The following CSMD1 variants were observed in gnomAD, a reference collection of about 807,000 sequenced individuals.
The protein encoded by CSMD1 is CUB and sushi domain-containing protein 1.
A neutral mutation model predicts 417.5 loss-of-function variants in CSMD1; 213 were observed. The observed-to-expected ratio is 0.51, with a 90% CI of 0.46 to 0.57. The LOEUF (loss-of-function observed/expected upper bound fraction) is 0.57. Ranked by LOEUF, CSMD1 falls within the 20% of genes least tolerant of loss-of-function variation. CSMD1 has a pLI of 0.00. For synonymous variants in CSMD1, 2,862 were observed against 1,736.8 expected (o/e 1.65, Z -16.11); for missense variants, 6,923 against 4,529.7 (o/e 1.53, Z -15.17).
intron 12 of CSMD1, among the ~76,000 whole-genome samples, chr8:3,457,700 A>G (rs551857626): frequency 2.0e-5 from 3 of 152,376 alleles, no homozygotes; most frequent in East Asian, 3.9e-4. Flanking sequence ...TGTTGAGATC[A>G]TAAAAACTCG....
At chr8:3,585,799 A>C (rs953006632) in intron 9 of CSMD1, among the ~76,000 whole-genome samples, 1 of 152,156 alleles carries the variant, frequency 6.6e-6, no homozygotes, top group African/African-American at 2.4e-5. Flanking sequence ...TGCGGGGTGC[A>C]CAGAAACCTT....
At chr8:4,990,026 T>A (rs966483264) in intron 1 of CSMD1, among the ~76,000 whole-genome samples, 1 of 152,156 alleles carries the variant, frequency 6.6e-6, no homozygotes, top group Non-Finnish European at 1.5e-5. Context: ...TGAAAGCCAA[T>A]ATAAAAATAG....
intron 1 of CSMD1, among the ~76,000 whole-genome samples, chr8:4,961,945 T>A (rs1022173618): frequency 6.6e-6 from 1 of 152,088 alleles, no homozygotes; most frequent in African/African-American, 2.4e-5. Context: ...CATTTGTTAT[T>A]GTCTGCAGAT....
At chr8:4,855,599 G>A (rs1041639022) in intron 1 of CSMD1, among the ~76,000 whole-genome samples, 18 of 152,276 alleles carry the variant, frequency 1.2e-4, no homozygotes, top group Admixed American at 8.5e-4. Context: ...ACCAAGGCGC[G>A]AGAACTACGT....
At chr8:3,587,811 C>G (rs879417187) in intron 8 of CSMD1, among the ~76,000 whole-genome samples, 13 of 152,050 alleles carry the variant, frequency 8.5e-5, no homozygotes, top group Non-Finnish European at 1.5e-4. Context: ...GTAGACTTTT[C>G]CAGATTTATC....
intron 7 of CSMD1, among the ~76,000 whole-genome samples, chr8:3,675,101 G>T (rs777262310): frequency 1.3e-5 from 2 of 152,174 alleles, no homozygotes; most frequent in Non-Finnish European, 2.9e-5. Context: ...CCATCTTGAA[G>T]AGATGCAGTG....
At chr8:4,940,043 G>T (rs976842433) in intron 1 of CSMD1, among the ~76,000 whole-genome samples, 4 of 152,200 alleles carry the variant, frequency 2.6e-5, no homozygotes, top group African/African-American at 9.6e-5. Context: ...ACTCCCGTCA[G>T]AGAAGACAAG....
At chr8:3,139,416 G>A (rs1818300855) in intron 41 of CSMD1, among the ~76,000 whole-genome samples, 1 of 152,158 alleles carries the variant, frequency 6.6e-6, no homozygotes, top group Non-Finnish European at 1.5e-5. Context: ...GAAGCCAAGG[G>A]AAAAGGGCGT....
intron 33 of CSMD1, among the ~76,000 whole-genome samples, chr8:3,193,461 G>A (rs750080251): frequency 1.3e-5 from 2 of 152,226 alleles, no homozygotes; most frequent in East Asian, 1.9e-4. Context: ...CGGAACGTCT[G>A]GGAAGCGGGT....
At chr8:3,172,748 A>C (rs893426211) in intron 37 of CSMD1, among the ~76,000 whole-genome samples, 1 of 152,194 alleles carries the variant, frequency 6.6e-6, no homozygotes, top group Non-Finnish European at 1.5e-5. Flanking sequence ...AAAGAAAAAC[A>C]AACCAAACAT....
intron 3 of CSMD1, among the ~76,000 whole-genome samples, chr8:4,051,183 CTGAGAA>C (rs1298898034): frequency 9.6e-3 from 150 of 15,656 alleles, no homozygotes; most frequent in Non-Finnish European, 0.021. Context: ...ACAATCCCTG[CTGAGAA>C]TCTCTGCTGA....
At chr8:4,871,080 T>A (rs1167277190) in intron 1 of CSMD1, among the ~76,000 whole-genome samples, 1 of 152,134 alleles carries the variant, frequency 6.6e-6, no homozygotes, top group Non-Finnish European at 1.5e-5. Flanking sequence ...GCAACAGCTC[T>A]GGCCTGGGCC....
chr8:3,495,522 T>C lies in CSMD1; in HGVS notation c.1345-1796A>G, dbSNP rs190321852. Among the ~76,000 whole-genome samples, 55 of 152,322 alleles carry C rather than the reference T, an allele frequency of 3.6e-4. No homozygotes were observed. In the East Asian group the frequency reaches 0.01, roughly 28 times the overall value. The stretch of plus-strand genomic sequence containing the variant: ...AGAGAAAGTCTTTGTCAGTATTTCA[T>C]CTCAACAATCAGCAGGTCCTGTTGT... On this transcript the variant is annotated intron_variant, in intron 10 of 69. Coordinates refer to ENST00000635120, the MANE Select transcript of CSMD1 (RefSeq NM_033225.6).
chr8:3,810,629 G>A (rs747400040), intron 5 of CSMD1, among the ~76,000 whole-genome samples: 1 of 152,144 alleles, frequency 6.6e-6, no homozygotes, highest in Non-Finnish European at 1.5e-5. Context: ...ATTATTGGGG[G>A]ACTGGAGTCT....
chr8:4,445,297 A>T (rs929947239), intron 2 of CSMD1, among the ~76,000 whole-genome samples: 2 of 152,148 alleles, frequency 1.3e-5, no homozygotes, highest in East Asian at 1.9e-4. Flanking sequence ...TCCGTTAGTT[A>T]TATCTGCCTC....
chr8:4,461,165 G>GATACAC (rs1799794336), intron 2 of CSMD1, among the ~76,000 whole-genome samples: 2 of 150,992 alleles, frequency 1.3e-5, no homozygotes, highest in South Asian at 2.1e-4. Context: ...TGTCTTACCA[G>GATACAC]ATAAAAAGTG....
chr8:4,807,801 C>G (rs796609171), intron 1 of CSMD1, among the ~76,000 whole-genome samples: 12 of 152,144 alleles, frequency 7.9e-5, no homozygotes, highest in African/African-American at 2.7e-4. Context: ...AATAATGGAT[C>G]CATAGAAGCC....
chr8:3,562,292 T>G (rs1432740194), intron 10 of CSMD1, among the ~76,000 whole-genome samples: 2 of 140,100 alleles, frequency 1.4e-5, no homozygotes, highest in Admixed American at 7.0e-5. Context: ...TGAGAGAGTT[T>G]TAGAATCTAG....
intron 12 of CSMD1, among the ~76,000 whole-genome samples, chr8:3,467,609 G>A (rs903465322): frequency 6.6e-6 from 1 of 152,188 alleles, no homozygotes; most frequent in Non-Finnish European, 1.5e-5. Flanking sequence ...TCAGCAAGGA[G>A]GGACCCTATT....
Sources: gnomAD v4.1 joint callset for allele counts (sites outside exome capture counted in the v4.1 genomes callset) on GRCh38, gnomAD v4.1.1 for gene constraint, MANE v1.5 for transcripts, NCBI Gene and HGNC (gene_info 2026-07-23, HGNC 2026-07-21) for gene names.